Variants in ARHGEF10L observed in about 807,000 individuals in gnomAD.
ARHGEF10L encodes the protein Rho guanine nucleotide exchange factor 10 like, also known as rho guanine nucleotide exchange factor 10-like protein.
ARHGEF10L carries 69 observed loss-of-function variants against 141.2 expected under a neutral mutation model. The ratio of observed to expected loss-of-function variants is 0.49; its 90% CI spans 0.40 to 0.60. ARHGEF10L has a LOEUF of 0.60. Ranked by LOEUF, ARHGEF10L falls within the 20% of genes least tolerant of loss-of-function variation. The pLI, the probability that ARHGEF10L is intolerant of heterozygous loss-of-function variation, is 0.00. For missense variants in ARHGEF10L, 1,482 were observed against 1,734.3 expected, an observed-to-expected ratio of 0.85 and a Z score of 2.58; for synonymous variants, 711 against 718.5, an observed-to-expected ratio of 0.99 and a Z score of 0.17.
In ARHGEF10L at chr1:17,581,966, G is replaced by A. The variant is rs190105011; in HGVS notation, c.37+1334G>A. 2.4e-4 allele frequency among the ~76,000 whole-genome samples: 36 copies of A among 152,150 alleles called. 1 individual carries two copies. The East Asian group carries it at 5.4e-3, about 23-fold the overall frequency. ...CTAGGGTCCCTCGCCTCCTGGACTCGCTTGTATTTTCTCACAAGGACCGGG... is the reference window on the plus strand; with the variant it reads ...CTAGGGTCCCTCGCCTCCTGGACTCACTTGTATTTTCTCACAAGGACCGGG... On this transcript the variant is annotated intron_variant, in intron 2 of 28. Transcript: ENST00000361221.
In ARHGEF10L at chr1:17,656,776, C is replaced by T; in HGVS notation, c.2860+68C>T. The T allele has an allele frequency of 6.5e-7, 1 of 1,535,902 alleles. No homozygotes were observed. The highest frequency in any genetic ancestry group is 1.8e-5 in the Admixed American group (1 of 56,066). On this transcript the variant is annotated intron_variant, in intron 25 of 28. Coordinates refer to ENST00000361221, the MANE Select transcript of ARHGEF10L (RefSeq NM_018125.4). The surrounding 1 kb of genome is among the most constrained non-coding windows in gnomAD (Gnocchi z 4.9). ...GCCAGCTGGGTGCCAGATTCTCTAC[C>T]AAGAGAGGATACAGGAGGCTGGGCA...
At position 17,587,627 on chromosome 1, in the gene ARHGEF10L, G is replaced by A. The variant is rs35497285; in HGVS notation, c.205G>A (p.Asp69Asn). The A allele has an allele frequency of 0.091, 147,060 of 1,612,668 alleles. 7,485 individuals carry two copies. The highest frequency in any genetic ancestry group is 0.2 in the East Asian group (9,133 of 44,826). ...RDTDPPLIHL[D>N]SIPVTDPDPA... ...CACAGACCCCCCACTGATCCACTTG[G>A]ACTCCATCCCTGTCACTGGTAAGAT... Residue 69 changes from aspartate (D) to asparagine (N), a missense_variant, in exon 3 of 29, where the codon GAC (aspartate) becomes AAC (asparagine). Around this residue, in one of 3 missense-constraint regions of ARHGEF10L, gnomAD observed 232 missense variants for 225.9 expected, o/e 1.03. Coordinates refer to ENST00000361221, the MANE Select transcript of ARHGEF10L (RefSeq NM_018125.4).
intron 20 of ARHGEF10L, 112 bp downstream of exon 20, chr1:17,638,801 G>T: frequency 6.7e-7 from 1 of 1,496,870 alleles, no homozygotes. Flanking sequence ...ATGCCATGGT[G>T]GGAGTGGATA....
chr1:17,554,860 G>A (rs1014739552), intron 1 of ARHGEF10L, among the ~76,000 whole-genome samples: 8 of 152,176 alleles, frequency 5.3e-5, no homozygotes, highest in African/African-American at 1.9e-4. Context: ...CAAAGTGCCT[G>A]GATTAGAGGC....
At chr1:17,668,595 C>A (rs1259619841) in intron 26 of ARHGEF10L, among the ~76,000 whole-genome samples, 1 of 152,188 alleles carries the variant, frequency 6.6e-6, no homozygotes, top group Non-Finnish European at 1.5e-5. Flanking sequence ...GCTTTGCACA[C>A]CTCGGGGGCA....
chr1:17,628,171 C>T (rs1490638007), intron 15 of ARHGEF10L, among the ~76,000 whole-genome samples: 4 of 152,030 alleles, frequency 2.6e-5, no homozygotes, highest in Non-Finnish European at 4.4e-5. Context: ...AACCTTGTCT[C>T]TACTAAAAAT....
At chr1:17,692,680 A>G (rs1423061921) in intron 27 of ARHGEF10L, among the ~76,000 whole-genome samples, 2 of 152,020 alleles carry the variant, frequency 1.3e-5, no homozygotes, top group Non-Finnish European at 2.9e-5. Flanking sequence ...CCCACCCTCC[A>G]CAACTGTAGC....
At chr1:17,666,840 GGCTTCC>G (rs1487686048) in intron 26 of ARHGEF10L, among the ~76,000 whole-genome samples, 1 of 149,068 alleles carries the variant, frequency 6.7e-6, no homozygotes, top group Non-Finnish European at 1.5e-5. Context: ...TCACGCTGGG[GGCTTCC>G]CTGCTATCAC....
intron 23 of ARHGEF10L, among the ~76,000 whole-genome samples, chr1:17,655,452 C>T (rs2062174661): frequency 6.9e-6 from 1 of 144,026 alleles, no homozygotes; most frequent in African/African-American, 2.5e-5. Flanking sequence ...TCCATCCATC[C>T]ATCCATCCAT....
chr1:17,628,210 C>T (rs553987896), intron 15 of ARHGEF10L, among the ~76,000 whole-genome samples: 181 of 152,022 alleles, frequency 1.2e-3, no homozygotes, highest in African/African-American at 4.1e-3. Context: ...TGGTGGCACA[C>T]GCCTGTAATC....
rs1324487220 is a variant in ARHGEF10L, at chr1:17,607,499, C to T, written c.434-303C>T. On this transcript the variant is annotated intron_variant, in intron 6 of 28. Transcript: ENST00000361221. The surrounding 1 kb of genome is among the most constrained non-coding windows in gnomAD (Gnocchi z 4.5). ...CTAAAACAAAATTGCCAAGGAGGCTCACAATGAGCGCTGAGACCATACAAA... is the reference window on the plus strand; with the variant it reads ...CTAAAACAAAATTGCCAAGGAGGCTTACAATGAGCGCTGAGACCATACAAA... Among the ~76,000 whole-genome samples, 1 of 152,162 alleles carries T rather than the reference C, an allele frequency of 6.6e-6. No individual in the cohort carries two copies. Among genetic ancestry groups the T allele is most frequent in the Non-Finnish European group, 1.5e-5 (1 of 68,028 alleles).
the ARHGEF10L span, among the ~76,000 whole-genome samples, chr1:17,520,366 C>G: frequency 1.3e-5 from 2 of 152,250 alleles, no homozygotes. Flanking sequence ...GCTACTTCAA[C>G]TGACAGACGG....
At chr1:17,618,473 C>T (rs750935853) in intron 9 of ARHGEF10L, 36 of 1,467,156 alleles carry the variant, frequency 2.5e-5, no homozygotes, top group South Asian at 8.3e-5. Context: ...CCCACCCCCA[C>T]GCCGTCATCC....
chr1:17,563,883 G>A (rs568561415), intron 1 of ARHGEF10L, among the ~76,000 whole-genome samples: 7 of 152,222 alleles, frequency 4.6e-5, no homozygotes, highest in South Asian at 4.1e-4. Context: ...CCCCTCCGTC[G>A]TCTGAGAGCG....
chr1:17,618,149 A>G (rs922845766), intron 9 of ARHGEF10L, among the ~76,000 whole-genome samples: 5 of 151,748 alleles, frequency 3.3e-5, no homozygotes, highest in Non-Finnish European at 7.4e-5. Flanking sequence ...GCCATTCTAA[A>G]CTCATTGAGA....
At chr1:17,649,269 G>GCCTGATCACAACACCCAGGGTCTTAA (rs1241994373) in intron 22 of ARHGEF10L, among the ~76,000 whole-genome samples, 6 of 152,222 alleles carry the variant, frequency 3.9e-5, no homozygotes, top group African/African-American at 1.4e-4. Context: ...ACCTTGCCCT[G>GCCTGATCACAACACCCAGGGTCTTAA]CCTGATCACA....
rs1333977480 is a variant in ARHGEF10L at position 17,615,540 on chromosome 1, G to C, written c.727-554G>C. On this transcript the variant is annotated intron_variant, in intron 8 of 28. Transcript: ENST00000361221. The surrounding 1 kb of genome is among the most constrained non-coding windows in gnomAD (Gnocchi z 4.7). ...GGCAAGGGACGGGTCCCTCACCTGGGTTTGGCGGATGGGATGGGGGTGTGC... is the reference window on the plus strand; with the variant it reads ...GGCAAGGGACGGGTCCCTCACCTGGCTTTGGCGGATGGGATGGGGGTGTGC... 1.3e-5 allele frequency: 2 copies of C among 152,194 alleles called. No homozygotes were observed. Among genetic ancestry groups the C allele is most frequent in the African/African-American group, 4.8e-5 (2 of 41,444 alleles). The allele number at this position is 152,194 out of a possible 1,614,324, so 9.4% of individuals were successfully genotyped here.
At chr1:17,681,105 C>T (rs543963533) in intron 26 of ARHGEF10L, among the ~76,000 whole-genome samples, 2 of 152,324 alleles carry the variant, frequency 1.3e-5, no homozygotes, top group South Asian at 4.1e-4. Flanking sequence ...AAATTTCAAA[C>T]TACAGGAAAG....
chr1:17,613,965 G>A (rs1463442348), intron 8 of ARHGEF10L, among the ~76,000 whole-genome samples: 6 of 152,246 alleles, frequency 3.9e-5, no homozygotes. Context: ...GTACGGTGCT[G>A]TGCTGGGTCT....
Sources: allele counts gnomAD v4.1 joint callset (sites outside exome capture counted in the v4.1 genomes callset), GRCh38; gene constraint gnomAD v4.1.1; regional missense constraint gnomAD v4.1.1; non-coding constraint Gnocchi (gnomAD v3.1); transcripts MANE v1.5; gene names NCBI Gene and HGNC (gene_info 2026-07-23, HGNC 2026-07-21).